Variants in TFAP2D observed in about 807,000 individuals in gnomAD.
TFAP2D encodes the protein transcription factor AP-2-delta.
A neutral mutation model predicts 43.6 loss-of-function variants in TFAP2D; 9 were observed. The observed-to-expected ratio is 0.21, with a 90% confidence interval of 0.12 to 0.36. TFAP2D has a LOEUF of 0.36. TFAP2D is among the 10% of genes least tolerant of loss of function. The probability of loss-of-function intolerance (pLI) is 1.00; values close to 1 mark genes in which losing one functional copy is unlikely to be tolerated. For missense variants in TFAP2D, 513 were observed against 561.4 expected, an observed-to-expected ratio of 0.91 and a Z score of 0.87; for synonymous variants, 256 against 224.9, an observed-to-expected ratio of 1.14 and a Z score of -1.24.
chr6:50,770,986 C>T (rs1034507935), intron 7 of TFAP2D, among the ~76,000 whole-genome samples: 3 of 152,062 alleles, frequency 2.0e-5, no homozygotes, highest in South Asian at 2.1e-4. Flanking sequence ...AGTGTCACTT[C>T]GGGACAGTTA....
At chr6:50,742,951 T>TAA (rs1769072747) in intron 5 of TFAP2D, among the ~76,000 whole-genome samples, 1 of 68,430 alleles carries the variant, frequency 1.5e-5, no homozygotes, top group Admixed American at 1.5e-4. Flanking sequence ...ACAACGACTT[T>TAA]AAAACACACA....
In TFAP2D at chr6:50,741,490, A is replaced by G. The variant is rs190089179; in HGVS notation, c.884-3617A>G. 7.9e-3 allele frequency among the ~76,000 whole-genome samples: 1,202 copies of G among 152,126 alleles called. 5 individuals are homozygous for G. Among genetic ancestry groups the G allele is most frequent in the Non-Finnish European group, 0.011 (765 of 67,986 alleles). On this transcript the variant is annotated intron_variant, in intron 5 of 7. Transcript: ENST00000008391. ...ATGTGTTGCTCCTTTCTATGTGTCC[A>G]TGTGTTCTCATCATTTAGCCTCCAC... is the stretch of plus-strand genomic sequence containing the variant.
intron 5 of TFAP2D, among the ~76,000 whole-genome samples, chr6:50,741,141 T>C (rs1464922812): frequency 2.0e-5 from 3 of 152,040 alleles, no homozygotes. Flanking sequence ...AGTATTACTA[T>C]TGAAAAGATG....
intron 7 of TFAP2D, among the ~76,000 whole-genome samples, chr6:50,757,075 G>T (rs372736554): frequency 6.6e-6 from 1 of 151,774 alleles, no homozygotes; most frequent in East Asian, 1.9e-4. Flanking sequence ...CTGTCCAAAA[G>T]ATGAGAAAAC....
At chr6:50,720,417 G>C (rs972721014) in intron 3 of TFAP2D, among the ~76,000 whole-genome samples, 2 of 150,476 alleles carry the variant, frequency 1.3e-5, no homozygotes. Flanking sequence ...TGTTTTAGTG[G>C]ATGCTGGTAG....
intron 7 of TFAP2D, among the ~76,000 whole-genome samples, chr6:50,766,264 A>C (rs1482244896): frequency 6.6e-6 from 1 of 152,102 alleles, no homozygotes; most frequent in Non-Finnish European, 1.5e-5. Flanking sequence ...TGATTACTAT[A>C]GCTTTGTAAT....
chr6:50,719,047 G>A (rs371907777), intron 2 of TFAP2D, 43 bp from the exon 3 acceptor site: 54 of 1,590,460 alleles, frequency 3.4e-5, no homozygotes, highest in Non-Finnish European at 4.4e-5. Flanking sequence ...TCATGCATAT[G>A]AGTATCCATT....
chr6:50,736,376 G>T, intron 5 of TFAP2D, among the ~76,000 whole-genome samples: 1 of 152,012 alleles, frequency 6.6e-6, no homozygotes, highest in East Asian at 1.9e-4. Context: ...ATTAGGTTTC[G>T]TATCATTCAT....
intron 3 of TFAP2D, among the ~76,000 whole-genome samples, chr6:50,721,810 C>G (rs1768728800): frequency 6.6e-6 from 1 of 152,090 alleles, no homozygotes; most frequent in African/African-American, 2.4e-5. Context: ...GCTAAGTTCC[C>G]GGATTAATTT....
At chr6:50,733,408 A>G (rs368429513) in intron 5 of TFAP2D, among the ~76,000 whole-genome samples, 4 of 152,056 alleles carry the variant, frequency 2.6e-5, no homozygotes, top group African/African-American at 4.8e-5. Context: ...AGTATCTACA[A>G]TATCAGAAAG....
At chr6:50,766,915 G>A (rs1181581658) in intron 7 of TFAP2D, among the ~76,000 whole-genome samples, 6 of 151,902 alleles carry the variant, frequency 3.9e-5, no homozygotes, top group African/African-American at 9.6e-5. Context: ...TGATCCACCC[G>A]CCTCGGCCTC....
intron 1 of TFAP2D, 103 bp from the exon 2 acceptor site, chr6:50,715,013 G>A: frequency 2.1e-6 from 3 of 1,459,866 alleles, no homozygotes; most frequent in Non-Finnish European, 2.8e-6. Flanking sequence ...CGCTTTCCTT[G>A]GAGTGCCAGA....
chr6:50,714,425 G>A (rs1484214660), intron 1 of TFAP2D, among the ~76,000 whole-genome samples: 5 of 152,046 alleles, frequency 3.3e-5, no homozygotes, highest in Admixed American at 2.0e-4. Context: ...GCAAAGAAAA[G>A]GGACTGGTGG....
In TFAP2D at chr6:50,772,987, A is replaced by G; in HGVS notation, c.*123A>G. On this transcript the variant is annotated 3_prime_UTR_variant, in exon 8 of 8. Coordinates refer to ENST00000008391, the MANE Select transcript of TFAP2D (RefSeq NM_172238.4). ...TCTACCCTTCCCCAACCCTCCATAA[A>G]AAAACAAAAATGGAAATGAAAAATG... 1.1e-6 allele frequency: 1 copy of G among 933,870 alleles called. No homozygotes were observed. The highest frequency in any genetic ancestry group is 2.8e-5 in the East Asian group (1 of 36,330). The allele number at this position is 933,870 out of a possible 1,614,324, so 57.8% of individuals were successfully genotyped here. A position where few individuals can be genotyped will look rare whatever the true frequency, so the allele number is the denominator to read the frequency against.
At chr6:50,745,728 T>G (rs1477805604) in intron 6 of TFAP2D, among the ~76,000 whole-genome samples, 1 of 151,996 alleles carries the variant, frequency 6.6e-6, no homozygotes, top group Non-Finnish European at 1.5e-5. Flanking sequence ...AGTGTCCCCA[T>G]CCTCTCTTGT....
intron 5 of TFAP2D, among the ~76,000 whole-genome samples, chr6:50,730,883 G>A (rs763494937): frequency 2.0e-5 from 3 of 151,966 alleles, no homozygotes; most frequent in South Asian, 2.1e-4. Context: ...TTCACCACCC[G>A]GGATGATTGT....
intron 3 of TFAP2D, among the ~76,000 whole-genome samples, chr6:50,727,510 C>T (rs1401778834): frequency 6.6e-6 from 1 of 152,178 alleles, no homozygotes; most frequent in Non-Finnish European, 1.5e-5. Context: ...CCATGTGAAT[C>T]ATCTGAGGCT....
intron 7 of TFAP2D, among the ~76,000 whole-genome samples, chr6:50,760,546 C>T (rs1362603558): frequency 6.6e-6 from 1 of 152,008 alleles, no homozygotes; most frequent in African/African-American, 2.4e-5. Flanking sequence ...GAGTTGATGT[C>T]AATGATTCTT....
intron 7 of TFAP2D, among the ~76,000 whole-genome samples, chr6:50,757,818 AAT>A (rs991226432): frequency 3.2e-5 from 4 of 123,606 alleles, no homozygotes; most frequent in African/African-American, 1.2e-4. Flanking sequence ...ATATATATAG[AAT>A]ATATATAATT....
Sources: allele counts gnomAD v4.1 joint callset (sites outside exome capture counted in the v4.1 genomes callset), GRCh38; gene constraint gnomAD v4.1.1; transcripts MANE v1.5; gene names NCBI Gene and HGNC (gene_info 2026-07-23, HGNC 2026-07-21).